Variants in TNNI3K observed in about 807,000 individuals in gnomAD.
The protein encoded by TNNI3K is TNNI3 interacting kinase, also known as serine/threonine-protein kinase TNNI3K.
Under a neutral mutation model 114.5 loss-of-function variants are expected in TNNI3K, and 140 were observed. That is an observed-to-expected ratio of 1.22 (90% confidence interval 1.07 to 1.41). The LOEUF (loss-of-function observed/expected upper bound fraction) is 1.41. Among genes scored for constraint, TNNI3K ranks in the 40% most tolerant of loss-of-function variants. TNNI3K has a pLI of 0.00. For synonymous variants in TNNI3K, 347 were observed against 347.5 expected, an observed-to-expected ratio of 1.00 and a Z score of 0.02; for missense variants, 1,125 against 1,007.6, an observed-to-expected ratio of 1.12 and a Z score of -1.58.
At position 74,524,624 on chromosome 1, in the gene TNNI3K, T is replaced by G. The variant is rs1219108341; in HGVS notation, c.2352-15610T>G. On this transcript the variant is annotated intron_variant, in intron 23 of 24. Transcript: ENST00000326637. Reference sequence around the variant, plus strand: ...ACTTTAATCTAATGTATTCATTCACTTAGCAAATACCCAAAGCTTTTACTT... The same window carrying G: ...ACTTTAATCTAATGTATTCATTCACGTAGCAAATACCCAAAGCTTTTACTT... Among the ~76,000 whole-genome samples, 5 of 152,002 alleles carry G rather than the reference T, an allele frequency of 3.3e-5. No homozygotes were observed. In the East Asian group the frequency reaches 9.6e-4, roughly 29 times the overall value.
chr1:74,369,394 T>C lies in TNNI3K; in HGVS notation c.1476T>C (p.Tyr492=). ...CRNKIVAIKR[Y]RANTYCSKSD... The stretch of plus-strand genomic sequence containing the variant: ...TTTCTGTTGCTGCCATTTCCAGTTA[T>C]CGAGCCAATACCTACTGCTCCAAGT... Residue 492 remains tyrosine, a synonymous_variant, in exon 16 of 25, where the codon TAT becomes TAC. Transcript: ENST00000326637. 2 of 1,608,010 alleles carry C rather than the reference T, an allele frequency of 1.2e-6. No individual in the cohort carries two copies. Among genetic ancestry groups the C allele is most frequent in the Non-Finnish European group, 8.5e-7 (1 of 1,177,056 alleles).
At chr1:74,517,283 T>A (rs559878208) in intron 23 of TNNI3K, among the ~76,000 whole-genome samples, 1 of 152,210 alleles carries the variant, frequency 6.6e-6, no homozygotes, top group Admixed American at 6.5e-5. Flanking sequence ...AGATAGTAAA[T>A]CAATGCCTCA....
At chr1:74,503,134 A>G (rs1669719424) in intron 23 of TNNI3K, among the ~76,000 whole-genome samples, 1 of 152,144 alleles carries the variant, frequency 6.6e-6, no homozygotes. Context: ...AAAAACAACA[A>G]CAATCTTTTA....
intron 17 of TNNI3K, among the ~76,000 whole-genome samples, chr1:74,424,414 A>C (rs1373620669): frequency 6.6e-6 from 1 of 152,028 alleles, no homozygotes; most frequent in Non-Finnish European, 1.5e-5. Context: ...AAGAATATTG[A>C]TTATAAAGAA....
At position 74,473,076 on chromosome 1, in the gene TNNI3K, C is replaced by A. The variant is rs144298492; in HGVS notation, c.2121+9526C>A. ...TCTTCTTAATGTCTGCCTCTAATCT[C>A]CTTTTACACATTAAATAATATTAAT... On this transcript the variant is annotated intron_variant, in intron 21 of 24. Coordinates refer to ENST00000326637, the MANE Select transcript of TNNI3K (RefSeq NM_015978.3). Among the ~76,000 whole-genome samples the A allele has an allele frequency of 5.9e-4, 90 of 152,208 alleles. 2 individuals are homozygous for A. Among genetic ancestry groups the A allele is most frequent in the African/African-American group, 2.1e-3 (87 of 41,528 alleles).
At position 74,526,093 on chromosome 1, in the gene TNNI3K, G is replaced by C. The variant is rs140899524; in HGVS notation, c.2352-14141G>C. On this transcript the variant is annotated intron_variant, in intron 23 of 24. Transcript: ENST00000326637. ...GCTTGTAATTTTGTAACCTCCTTAG[G>C]GTATTTCAAATGGTTTGTGAAGATC... Among the ~76,000 whole-genome samples, 461 of 152,270 alleles carry C rather than the reference G, an allele frequency of 3.0e-3. 14 individuals are homozygous for C. In the East Asian group the frequency reaches 0.064, roughly 21 times the overall value.
chr1:74,471,264 C>T (rs566929852), intron 21 of TNNI3K: 178 of 400,614 alleles, frequency 4.4e-4, no homozygotes, highest in African/African-American at 3.4e-3. Flanking sequence ...TCAGAGGCAG[C>T]CTCTTTGAAG....
At chr1:74,256,493 G>A (rs1023432287) in intron 4 of TNNI3K, among the ~76,000 whole-genome samples, 2 of 151,632 alleles carry the variant, frequency 1.3e-5, no homozygotes, top group African/African-American at 4.8e-5. Context: ...CTTGAATTGT[G>A]AGGGAACTTT....
chr1:74,502,450 A>G (rs1669680614), intron 23 of TNNI3K, among the ~76,000 whole-genome samples: 1 of 152,258 alleles, frequency 6.6e-6, no homozygotes, highest in Non-Finnish European at 1.5e-5. Flanking sequence ...ACTATTTAGT[A>G]GAAAAAATGG....
At chr1:74,289,215 G>A (rs1476245867) in intron 5 of TNNI3K, among the ~76,000 whole-genome samples, 1 of 151,958 alleles carries the variant, frequency 6.6e-6, no homozygotes, top group East Asian at 1.9e-4. Context: ...AGTTGACCTT[G>A]TAGAACCATT....
intron 20 of TNNI3K, among the ~76,000 whole-genome samples, chr1:74,445,765 T>C (rs1197573053): frequency 6.6e-6 from 1 of 151,636 alleles, no homozygotes; most frequent in Non-Finnish European, 1.5e-5. Context: ...CGCCCGCCAC[T>C]ACGCCTGGCT....
chr1:74,496,572 A>G (rs74714927), intron 23 of TNNI3K, among the ~76,000 whole-genome samples: 15,736 of 151,958 alleles, frequency 0.1, 2,128 homozygotes, highest in African/African-American at 0.32. Flanking sequence ...GTAATGCTTG[A>G]TTTTATGGGG....
At chr1:74,308,002 C>T (rs931719365) in intron 5 of TNNI3K, among the ~76,000 whole-genome samples, 7 of 151,710 alleles carry the variant, frequency 4.6e-5, no homozygotes, top group Non-Finnish European at 7.4e-5. Flanking sequence ...AGGACTTCAA[C>T]ATCCAGCCTG....
intron 5 of TNNI3K, among the ~76,000 whole-genome samples, chr1:74,297,642 G>A (rs1658078395): frequency 6.6e-6 from 1 of 152,038 alleles, no homozygotes; most frequent in Non-Finnish European, 1.5e-5. Flanking sequence ...AATGTGCAAT[G>A]AGCATGGGGG....
chr1:74,475,837 A>T, intron 21 of TNNI3K: 1 of 550,374 alleles, frequency 1.8e-6, no homozygotes, highest in Non-Finnish European at 3.3e-6. Flanking sequence ...GACCATTAAA[A>T]GATAACATCT....
intron 23 of TNNI3K, among the ~76,000 whole-genome samples, chr1:74,516,917 G>T (rs1646356646): frequency 6.6e-6 from 1 of 152,130 alleles, no homozygotes; most frequent in South Asian, 2.1e-4. Flanking sequence ...CTACATGATA[G>T]ACAGTATTTT....
intron 2 of TNNI3K, chr1:74,240,050 A>G (rs1654092927): frequency 2.2e-6 from 1 of 452,152 alleles, no homozygotes; most frequent in Non-Finnish European, 4.6e-6. Flanking sequence ...TTGTCTGATT[A>G]TATCCTCCTC....
intron 23 of TNNI3K, among the ~76,000 whole-genome samples, chr1:74,522,249 G>A (rs948183502): frequency 1.3e-5 from 2 of 152,156 alleles, no homozygotes; most frequent in Non-Finnish European, 2.9e-5. Flanking sequence ...AGACATTTAG[G>A]ACAGATCTGC....
intron 23 of TNNI3K, among the ~76,000 whole-genome samples, chr1:74,533,841 T>C (rs1646625210): frequency 6.6e-6 from 1 of 152,198 alleles, no homozygotes; most frequent in Admixed American, 6.5e-5. Flanking sequence ...ATGTTCTCAC[T>C]CATAGGTGGG....
Sources: gnomAD v4.1 joint callset for allele counts (sites outside exome capture counted in the v4.1 genomes callset) on GRCh38, gnomAD v4.1.1 for gene constraint, MANE v1.5 for transcripts, NCBI Gene and HGNC (gene_info 2026-07-23, HGNC 2026-07-21) for gene names.